Variants in LYN observed in about 807,000 individuals in gnomAD.
LYN encodes tyrosine-protein kinase Lyn.
Under a neutral mutation model 65.0 loss-of-function variants are expected in LYN, and 12 were observed. That is an observed-to-expected ratio of 0.18 (90% CI 0.12 to 0.30). LYN has a LOEUF of 0.30. Ranked by LOEUF, LYN falls within the 10% of genes least tolerant of loss-of-function variation. The pLI is 1.00. For synonymous variants in LYN, 222 were observed against 221.2 expected, an observed-to-expected ratio of 1.00 and a Z score of -0.03; for missense variants, 380 against 623.2, an observed-to-expected ratio of 0.61 and a Z score of 4.16.
At chr8:55,880,598 G>C (rs551177242) in intron 1 of LYN, among the ~76,000 whole-genome samples, 1 of 152,200 alleles carries the variant, frequency 6.6e-6, no homozygotes, top group Non-Finnish European at 1.5e-5. Context: ...GGGAGATGGG[G>C]CTCGGCCGGC....
chr8:55,882,130 C>T (rs1223570334), intron 1 of LYN, among the ~76,000 whole-genome samples: 2 of 152,166 alleles, frequency 1.3e-5, no homozygotes, highest in African/African-American at 2.4e-5. Flanking sequence ...CACTCAGCAC[C>T]GCTCTTCTCT....
At chr8:55,970,038 A>T (rs541073026) in intron 10 of LYN, among the ~76,000 whole-genome samples, 1 of 152,352 alleles carries the variant, frequency 6.6e-6, no homozygotes, top group Non-Finnish European at 1.5e-5. Flanking sequence ...CAACCTCTTT[A>T]TGTTCATTTC....
At chr8:55,952,144 C>G in intron 7 of LYN, 29 bp downstream of exon 7, 1 of 1,550,624 alleles carries the variant, frequency 6.4e-7, no homozygotes, top group Non-Finnish European at 8.7e-7. Context: ...TTCAACAAGA[C>G]AAGATATATT....
chr8:55,928,735 T>G (rs1016045433), intron 1 of LYN, among the ~76,000 whole-genome samples: 12 of 152,204 alleles, frequency 7.9e-5, no homozygotes, highest in African/African-American at 2.9e-4. Flanking sequence ...TTTTAGATTT[T>G]AATGAAGTTC....
At chr8:55,945,222 A>G (rs1238777712) in intron 2 of LYN, among the ~76,000 whole-genome samples, 2 of 152,250 alleles carry the variant, frequency 1.3e-5, no homozygotes, top group Non-Finnish European at 2.9e-5. Context: ...TATAAAAAGC[A>G]TATTAAAATG....
At chr8:55,982,353 C>T (rs1444667103) in intron 10 of LYN, among the ~76,000 whole-genome samples, 1 of 151,754 alleles carries the variant, frequency 6.6e-6, no homozygotes, top group Non-Finnish European at 1.5e-5. Context: ...ATTATACTTA[C>T]TGATTAACCA....
intron 8 of LYN, among the ~76,000 whole-genome samples, chr8:55,964,416 A>G (rs1271228891): frequency 6.6e-6 from 1 of 152,188 alleles, no homozygotes; most frequent in Non-Finnish European, 1.5e-5. Flanking sequence ...AATACAAAAT[A>G]AAACATTTTA....
chr8:55,914,565 C>T (rs913587923), intron 1 of LYN, among the ~76,000 whole-genome samples: 8 of 152,110 alleles, frequency 5.3e-5, no homozygotes, highest in Admixed American at 3.9e-4. Context: ...ATCCACATGC[C>T]TTCCAGGAAC....
At chr8:55,998,086 G>T (rs1429151055) in intron 10 of LYN, among the ~76,000 whole-genome samples, 1 of 146,974 alleles carries the variant, frequency 6.8e-6, no homozygotes, top group Non-Finnish European at 1.5e-5. Context: ...TCCGTCTCAA[G>T]AAAAAAAAAG....
chr8:55,961,279 C>T (rs372667988), intron 8 of LYN, among the ~76,000 whole-genome samples: 9 of 152,294 alleles, frequency 5.9e-5, no homozygotes, highest in South Asian at 4.1e-4. Flanking sequence ...CTCCACAAGA[C>T]GCTTTTTACT....
At chr8:55,907,573 A>C (rs962162618) in intron 1 of LYN, among the ~76,000 whole-genome samples, 3 of 152,026 alleles carry the variant, frequency 2.0e-5, no homozygotes, top group African/African-American at 7.2e-5. Context: ...TTTTTGGTGG[A>C]AAATCAAACT....
chr8:55,959,558 GC>G lies in LYN; in HGVS notation c.790+5577del, dbSNP rs1807216163. 2.0e-5 allele frequency among the ~76,000 whole-genome samples: 3 copies of G among 152,154 alleles called. No homozygotes were observed. The South Asian group carries it at 6.2e-4, about 32-fold the overall frequency. Reference sequence around the variant, plus strand: ...GGCTATACAGCAGAGGAAAGAAATTGCCCAGGGTTTCCCACTAAATAGAAGT... The same window carrying G: ...GGCTATACAGCAGAGGAAAGAAATTGCCAGGGTTTCCCACTAAATAGAAGT... On this transcript the variant is annotated intron_variant, in intron 8 of 12. Transcript: ENST00000519728.
At chr8:55,930,025 C>T (rs1368394884) in intron 1 of LYN, among the ~76,000 whole-genome samples, 2 of 152,184 alleles carry the variant, frequency 1.3e-5, no homozygotes, top group Admixed American at 6.5e-5. Context: ...CTCATAGGGG[C>T]GTGAACCCCA....
intron 8 of LYN, among the ~76,000 whole-genome samples, chr8:55,965,033 A>AT (rs11450642): frequency 0.47 from 70,917 of 150,074 alleles, 17,341 homozygotes; most frequent in African/African-American, 0.58. Flanking sequence ...CCTTCTCCCC[A>AT]TTTTTTTTTT....
Position 55,966,878 on chromosome 8 carries a change from C to A in LYN, c.954C>A (p.Ile318=). 6.2e-7 allele frequency: 1 copy of A among 1,613,852 alleles called. No individual in the cohort carries two copies. The change falls in exon 9 of 13, where the codon ATC becomes ATA. Residue 318 remains isoleucine (I), a synonymous_variant. Coordinates refer to ENST00000519728, the MANE Select transcript of LYN (RefSeq NM_002350.4). ...CCAGGGAGGAGCCCATTTACATCATCACCGAGTACATGGCCAAGGGTGAGT... is the reference window on the plus strand; with the variant it reads ...CCAGGGAGGAGCCCATTTACATCATAACCGAGTACATGGCCAAGGGTGAGT... The part of the protein sequence containing the change: ...VVTREEPIYI[I]TEYMAKGSLL...
At chr8:55,970,331 A>G (rs1807578268) in intron 10 of LYN, among the ~76,000 whole-genome samples, 1 of 152,102 alleles carries the variant, frequency 6.6e-6, no homozygotes. Context: ...TTGCCTGTTT[A>G]TTTACTTTGG....
intron 8 of LYN, among the ~76,000 whole-genome samples, chr8:55,965,730 CTG>C (rs779143722): frequency 2.0e-5 from 3 of 151,652 alleles, no homozygotes; most frequent in African/African-American, 4.9e-5. Context: ...GAGTGTATGC[CTG>C]TGTGTGTATG....
chr8:55,981,208 T>C (rs1448936003), intron 10 of LYN, among the ~76,000 whole-genome samples: 1 of 152,192 alleles, frequency 6.6e-6, no homozygotes, highest in Non-Finnish European at 1.5e-5. Context: ...GCACCTTCCC[T>C]GACCTTCCTT....
intron 8 of LYN, among the ~76,000 whole-genome samples, chr8:55,958,858 A>G (rs1302417787): frequency 6.6e-6 from 1 of 152,190 alleles, no homozygotes; most frequent in Admixed American, 6.5e-5. Flanking sequence ...TTATTCATCT[A>G]TTGATGGACA....
Sources: allele counts gnomAD v4.1 joint callset (sites outside exome capture counted in the v4.1 genomes callset), GRCh38; gene constraint gnomAD v4.1.1; transcripts MANE v1.5; gene names NCBI Gene and HGNC (gene_info 2026-07-23, HGNC 2026-07-21).